The following SMAD9 variants were observed in gnomAD, a reference collection of about 807,000 sequenced individuals.
SMAD9 encodes SMAD family member 9.
Under a neutral mutation model 46.1 loss-of-function variants are expected in SMAD9, and 36 were observed. That is an observed-to-expected ratio of 0.78 (90% CI 0.60 to 1.03). The LOEUF (loss-of-function observed/expected upper bound fraction) is 1.03, where lower values mean the gene tolerates loss of function less well. Among genes scored for constraint, SMAD9 ranks in the 50% least tolerant of loss-of-function variants. SMAD9 has a pLI of 0.00. For synonymous variants in SMAD9, 245 were observed against 237.1 expected, an observed-to-expected ratio of 1.03 and a Z score of -0.31; for missense variants, 572 against 599.8, an observed-to-expected ratio of 0.95 and a Z score of 0.48.
At chr13:36,856,193 G>A (rs868041815) in intron 5 of SMAD9, among the ~76,000 whole-genome samples, 3 of 152,332 alleles carry the variant, frequency 2.0e-5, no homozygotes, top group South Asian at 2.1e-4. Context: ...CCTGCCTTGT[G>A]AGGGTGGGCG....
chr13:36,889,171 C>T (rs1219493873), intron 1 of SMAD9, among the ~76,000 whole-genome samples: 2 of 152,094 alleles, frequency 1.3e-5, no homozygotes, highest in African/African-American at 4.8e-5. Flanking sequence ...TTTTTTCCCA[C>T]CCTTCCTCAA....
chr13:36,854,865 T>C (rs1566013511), intron 5 of SMAD9, among the ~76,000 whole-genome samples: 2 of 152,226 alleles, frequency 1.3e-5, no homozygotes, highest in African/African-American at 4.8e-5. Context: ...ATATAAATCA[T>C]ATAAATAATG....
At chr13:36,907,787 A>G (rs916683895) in intron 1 of SMAD9, among the ~76,000 whole-genome samples, 2 of 152,246 alleles carry the variant, frequency 1.3e-5, no homozygotes, top group African/African-American at 4.8e-5. Context: ...ACTACCTTCA[A>G]GGGATTTTAC....
intron 6 of SMAD9, among the ~76,000 whole-genome samples, chr13:36,850,718 C>T (rs7995657): frequency 6.6e-6 from 1 of 152,158 alleles, no homozygotes; most frequent in East Asian, 1.9e-4. Flanking sequence ...TTCTCATCCA[C>T]ACTTAGGGAG....
At chr13:36,918,602 A>C (rs542235916) in intron 1 of SMAD9, among the ~76,000 whole-genome samples, 1 of 152,338 alleles carries the variant, frequency 6.6e-6, no homozygotes, top group Admixed American at 6.5e-5. Context: ...TCTTATCTGA[A>C]GCCTCCTTCT....
chr13:36,859,208 C>G (rs1471974700), intron 5 of SMAD9, among the ~76,000 whole-genome samples: 1 of 152,030 alleles, frequency 6.6e-6, no homozygotes, highest in African/African-American at 2.4e-5. Context: ...GATGAGAAGC[C>G]TTACATGTGT....
chr13:36,897,155 T>C (rs1042728452), intron 1 of SMAD9, among the ~76,000 whole-genome samples: 14 of 152,216 alleles, frequency 9.2e-5, no homozygotes, highest in African/African-American at 3.1e-4. Context: ...TATGGTAATG[T>C]GCTATTATTA....
chr13:36,877,276 C>A (rs977881671), intron 2 of SMAD9, among the ~76,000 whole-genome samples: 60 of 152,160 alleles, frequency 3.9e-4, no homozygotes, highest in Non-Finnish European at 4.3e-4. Context: ...GCAGGAGAAT[C>A]GCTTGAACTG....
chr13:36,869,207 T>A (rs192768494), intron 3 of SMAD9, among the ~76,000 whole-genome samples: 1 of 152,078 alleles, frequency 6.6e-6, no homozygotes, highest in East Asian at 1.9e-4. Context: ...TTGCACAACA[T>A]TATGAATGCA....
chr13:36,871,864 T>A (rs2058298609), intron 3 of SMAD9, among the ~76,000 whole-genome samples: 1 of 152,190 alleles, frequency 6.6e-6, no homozygotes, highest in Non-Finnish European at 1.5e-5. Context: ...AAGAGTTTAA[T>A]AAATATCCAT....
intron 3 of SMAD9, among the ~76,000 whole-genome samples, chr13:36,871,289 G>T (rs933691698): frequency 3.9e-5 from 6 of 152,132 alleles, no homozygotes; most frequent in Non-Finnish European, 8.8e-5. Context: ...AGGCCGAGGT[G>T]GGCAGATCAC....
In SMAD9 at chr13:36,879,595, T is replaced by G. The variant is rs1381292124; in HGVS notation, c.95A>C (p.Lys32Thr). Residue 32 changes from lysine to threonine, a missense_variant, in exon 2 of 7, where the codon AAG becomes ACG. By Grantham distance (78) the Lys-to-Thr change is moderately conservative. Coordinates refer to ENST00000379826, the MANE Select transcript of SMAD9 (RefSeq NM_001127217.3). ...AGAGTCCACTGCCTTCTCTGCCCACTTTTCCTCTTCATCTCCTTGCTTCCA... is the reference window on the plus strand; with the variant it reads ...AGAGTCCACTGCCTTCTCTGCCCACGTTTCCTCTTCATCTCCTTGCTTCCA... The part of the protein sequence containing the change: ...LGWKQGDEEE[K>T]WAEKAVDSLV... 2.4e-5 allele frequency: 39 copies of G among 1,614,150 alleles called. No homozygotes were observed. The highest frequency in any genetic ancestry group is 3.2e-5 in the Non-Finnish European group (38 of 1,180,010).
chr13:36,856,906 G>A (rs1411752507), intron 5 of SMAD9, among the ~76,000 whole-genome samples: 5 of 150,666 alleles, frequency 3.3e-5, no homozygotes, highest in African/African-American at 9.8e-5. Context: ...GGGTTCAAGC[G>A]ATTCTCCTGC....
rs1052521203 is a variant in SMAD9, at chr13:36,844,839, C to T, written c.*3837G>A. ...AAATGAGCCAAAAGACATATAAGTACAGTATTCTTTATTATAAACAATCAG... is the reference window on the plus strand; with the variant it reads ...AAATGAGCCAAAAGACATATAAGTATAGTATTCTTTATTATAAACAATCAG... On this transcript the variant is annotated 3_prime_UTR_variant, in exon 7 of 7. Transcript: ENST00000379826. 3.3e-5 allele frequency: 5 copies of T among 152,070 alleles called. No homozygotes were observed. Among genetic ancestry groups the T allele is most frequent in the African/African-American group, 1.2e-4 (5 of 41,420 alleles). 9.4% of individuals were successfully genotyped at this position (152,070 alleles called of 1,614,324 possible).
intron 1 of SMAD9, among the ~76,000 whole-genome samples, chr13:36,902,896 G>C (rs990964053): frequency 6.6e-5 from 10 of 152,278 alleles, no homozygotes; most frequent in Non-Finnish European, 1.0e-4. Context: ...ACCTAGAATA[G>C]AGCCTGACAC....
At chr13:36,852,985 A>C (rs2058086949) in intron 6 of SMAD9, among the ~76,000 whole-genome samples, 1 of 152,222 alleles carries the variant, frequency 6.6e-6, no homozygotes, top group African/African-American at 2.4e-5. Flanking sequence ...AAACAATAGA[A>C]TTCAAAAAAA....
intron 5 of SMAD9, among the ~76,000 whole-genome samples, chr13:36,860,535 T>C (rs539293989): frequency 6.0e-5 from 9 of 151,242 alleles, no homozygotes; most frequent in Non-Finnish European, 1.0e-4. Flanking sequence ...CTGCAAGCTC[T>C]GCCTCCTGGG....
At chr13:36,883,583 T>C (rs2058421388) in intron 1 of SMAD9, among the ~76,000 whole-genome samples, 1 of 152,142 alleles carries the variant, frequency 6.6e-6, no homozygotes, top group Non-Finnish European at 1.5e-5. Flanking sequence ...AAACACCATC[T>C]CTACAAAAAA....
At chr13:36,862,113 T>A (rs934920894) in intron 5 of SMAD9, among the ~76,000 whole-genome samples, 2 of 152,158 alleles carry the variant, frequency 1.3e-5, no homozygotes, top group Non-Finnish European at 2.9e-5. Context: ...AAATTTAACC[T>A]GACAGACTGG....
Sources: gnomAD v4.1 joint callset for allele counts (sites outside exome capture counted in the v4.1 genomes callset) on GRCh38, gnomAD v4.1.1 for gene constraint, MANE v1.5 for transcripts, NCBI Gene and HGNC (gene_info 2026-07-23, HGNC 2026-07-21) for gene names.